The following MAGI2 variants were observed in gnomAD, a reference collection of about 807,000 sequenced individuals.
MAGI2 encodes the protein membrane associated guanylate kinase, WW and PDZ domain containing 2.
A neutral mutation model predicts 133.3 loss-of-function variants in MAGI2; 35 were observed. The ratio of observed to expected loss-of-function variants is 0.26; its 90% CI spans 0.20 to 0.35. The LOEUF is 0.35. Among genes scored for constraint, MAGI2 ranks in the 10% least tolerant of loss-of-function variants. The probability of loss-of-function intolerance (pLI) is 1.00; values close to 1 mark genes in which losing one functional copy is unlikely to be tolerated. For synonymous variants in MAGI2, 729 were observed against 710.6 expected (o/e 1.03, Z -0.41); for missense variants, 1,636 against 1,863.4 (o/e 0.88, Z 2.25).
At chr7:79,144,228 G>A (rs1471313814) in intron 1 of MAGI2, among the ~76,000 whole-genome samples, 1 of 152,154 alleles carries the variant, frequency 6.6e-6, no homozygotes, top group Non-Finnish European at 1.5e-5. Flanking sequence ...TGTATAACAG[G>A]GAGAACTGAG....
At chr7:78,567,488 GGTAGCTTTTGTATCAACTACC>G (rs1273419677) in intron 3 of MAGI2, among the ~76,000 whole-genome samples, 1 of 151,828 alleles carries the variant, frequency 6.6e-6, no homozygotes, top group Non-Finnish European at 1.5e-5. Flanking sequence ...TGGCTTAATT[GGTAGCTTTTGTATCAACTACC>G]CAGTAGGATA....
At chr7:78,598,013 G>T (rs1804801495) in intron 3 of MAGI2, among the ~76,000 whole-genome samples, 1 of 152,100 alleles carries the variant, frequency 6.6e-6, no homozygotes, top group African/African-American at 2.4e-5. Flanking sequence ...TCTAAAAACT[G>T]CCTCTGAATA....
chr7:78,049,113 A>G (rs954373597), intron 21 of MAGI2, among the ~76,000 whole-genome samples: 9 of 152,046 alleles, frequency 5.9e-5, no homozygotes, highest in Non-Finnish European at 8.8e-5. Context: ...ACCTCAAAAA[A>G]AAAAAAAAAA....
intron 1 of MAGI2, among the ~76,000 whole-genome samples, chr7:79,308,759 G>A (rs889626798): frequency 1.1e-4 from 17 of 152,166 alleles, no homozygotes; most frequent in Non-Finnish European, 1.5e-4. Flanking sequence ...TACTAAGTAT[G>A]TGAAGAATAA....
At chr7:78,721,392 T>C (rs146229469) in intron 2 of MAGI2, among the ~76,000 whole-genome samples, 1 of 152,072 alleles carries the variant, frequency 6.6e-6, no homozygotes, top group Non-Finnish European at 1.5e-5. Flanking sequence ...ATCCTACTAT[T>C]TGTAGGTTCC....
At chr7:79,437,236 T>C (rs1164435057) in intron 1 of MAGI2, among the ~76,000 whole-genome samples, 1 of 152,116 alleles carries the variant, frequency 6.6e-6, no homozygotes, top group African/African-American at 2.4e-5. Flanking sequence ...AAACTACCTG[T>C]TGGGTACTAT....
chr7:78,547,801 G>C (rs1203725621), intron 3 of MAGI2, among the ~76,000 whole-genome samples: 1 of 152,204 alleles, frequency 6.6e-6, no homozygotes, highest in Non-Finnish European at 1.5e-5. Context: ...ATGGACAGTG[G>C]CTTCAGCCTG....
At chr7:78,361,063 C>T (rs1255987794) in intron 7 of MAGI2, among the ~76,000 whole-genome samples, 2 of 151,628 alleles carry the variant, frequency 1.3e-5, no homozygotes, top group Non-Finnish European at 2.9e-5. Flanking sequence ...TTAGCCTCTC[C>T]AGAAGTGCCT....
At chr7:78,783,975 G>A (rs1230221325) in intron 2 of MAGI2, among the ~76,000 whole-genome samples, 1 of 152,088 alleles carries the variant, frequency 6.6e-6, no homozygotes, top group Non-Finnish European at 1.5e-5. Flanking sequence ...CTGAGTCTGG[G>A]ATATAGCCCT....
intron 1 of MAGI2, among the ~76,000 whole-genome samples, chr7:79,234,155 G>A (rs1490350369): frequency 8.7e-5 from 12 of 138,570 alleles, no homozygotes; most frequent in South Asian, 5.1e-4. Flanking sequence ...GGTTTCTGCC[G>A]AGAGATCCGC....
chr7:79,450,080 T>C (rs1480209292), intron 1 of MAGI2, among the ~76,000 whole-genome samples: 1 of 151,908 alleles, frequency 6.6e-6, no homozygotes, highest in African/African-American at 2.4e-5. Flanking sequence ...ACCTTTTCTT[T>C]ATAAAATCTT....
At chr7:78,997,711 T>C (rs1056484612) in intron 2 of MAGI2, among the ~76,000 whole-genome samples, 4 of 152,152 alleles carry the variant, frequency 2.6e-5, no homozygotes, top group African/African-American at 9.7e-5. Flanking sequence ...GAAAAATCTG[T>C]TGATTCTCCT....
At position 78,019,952 on chromosome 7, in the gene MAGI2, G is replaced by T; in HGVS notation, c.3731C>A (p.Pro1244His). 1 of 1,607,922 alleles carries T rather than the reference G, an allele frequency of 6.2e-7. No individual in the cohort carries two copies. The highest frequency in any genetic ancestry group is 8.5e-7 in the Non-Finnish European group (1 of 1,177,810). ...CGGCAGACCTGGGGCGGCGGCAGCG[G>T]GAGAACTCCAGGGGGCGGGTTCGTC... ...EYDEPAPWSS[P>H]AAAAPGLPEV... The change falls in exon 22 of 22, where the codon CCC becomes CAC. Residue 1244 changes from proline to histidine, a missense_variant. Coordinates refer to ENST00000354212, the MANE Select transcript of MAGI2 (RefSeq NM_012301.4).
intron 2 of MAGI2, among the ~76,000 whole-genome samples, chr7:78,767,802 ATT>A (rs2151313020): frequency 6.6e-6 from 1 of 152,290 alleles, no homozygotes; most frequent in South Asian, 2.1e-4. Context: ...TTCTTGGGAA[ATT>A]TTGTGTTTTC....
chr7:78,429,297 A>G (rs1213958524), intron 6 of MAGI2, among the ~76,000 whole-genome samples: 1 of 151,968 alleles, frequency 6.6e-6, no homozygotes, highest in East Asian at 1.9e-4. Context: ...GCTATGCTTG[A>G]CAGATTTTTC....
intron 2 of MAGI2, among the ~76,000 whole-genome samples, chr7:78,717,098 T>C (rs998946942): frequency 2.0e-5 from 3 of 151,876 alleles, no homozygotes; most frequent in Admixed American, 6.6e-5. Flanking sequence ...ACCTCAGACC[T>C]CTCCCGCCTG....
intron 15 of MAGI2, 30 bp downstream of exon 15, chr7:78,167,886 C>T (rs748941804): frequency 2.5e-5 from 40 of 1,593,088 alleles, no homozygotes; most frequent in South Asian, 2.1e-4. Context: ...ACCTAACCCT[C>T]GATTCCTGCA....
At chr7:79,268,165 T>C (rs1834620636) in intron 1 of MAGI2, among the ~76,000 whole-genome samples, 1 of 152,174 alleles carries the variant, frequency 6.6e-6, no homozygotes, top group South Asian at 2.1e-4. Flanking sequence ...AGTTCTCCAT[T>C]CTGCAGCTGC....
At chr7:78,241,366 T>C (rs540560633) in intron 10 of MAGI2, among the ~76,000 whole-genome samples, 2 of 152,304 alleles carry the variant, frequency 1.3e-5, no homozygotes, top group African/African-American at 4.8e-5. Flanking sequence ...CTAAGTGTTG[T>C]TTGTGCATCA....
Sources: gnomAD v4.1 joint callset for allele counts (sites outside exome capture counted in the v4.1 genomes callset) on GRCh38, gnomAD v4.1.1 for gene constraint, MANE v1.5 for transcripts, NCBI Gene and HGNC (gene_info 2026-07-23, HGNC 2026-07-21) for gene names.